The following LPP variants were observed in gnomAD, a reference collection of about 807,000 sequenced individuals.
The protein encoded by LPP is LIM domain containing preferred translocation partner in lipoma.
Under a neutral mutation model 60.4 loss-of-function variants are expected in LPP, and 38 were observed. That is an observed-to-expected ratio of 0.63 (90% CI 0.49 to 0.83). The LOEUF (loss-of-function observed/expected upper bound fraction) is 0.83. Ranked by LOEUF, LPP falls within the 40% of genes least tolerant of loss-of-function variation. The pLI is 0.00. For synonymous variants in LPP, 328 were observed against 290.8 expected (o/e 1.13, Z -1.30); for missense variants, 902 against 783.6 (o/e 1.15, Z -1.80).
chr3:188,392,104 TA>T (rs1359903748), intron 3 of LPP, among the ~76,000 whole-genome samples: 2 of 152,220 alleles, frequency 1.3e-5, no homozygotes, highest in Non-Finnish European at 2.9e-5. Context: ...ATGTCTTCCA[TA>T]AGGCTTTGTG....
chr3:188,388,009 G>C (rs1778781244), intron 3 of LPP, among the ~76,000 whole-genome samples: 1 of 151,440 alleles, frequency 6.6e-6, no homozygotes, highest in African/African-American at 2.4e-5. Flanking sequence ...TTGTTTTTTT[G>C]GTATTAGCAT....
intron 7 of LPP, among the ~76,000 whole-genome samples, chr3:188,675,508 T>C (rs1857848166): frequency 6.6e-6 from 1 of 152,204 alleles, no homozygotes; most frequent in Admixed American, 6.5e-5. Context: ...GGATGATGTA[T>C]GTTTGTATAT....
chr3:188,721,198 G>A (rs1716227516), intron 8 of LPP, among the ~76,000 whole-genome samples: 2 of 152,136 alleles, frequency 1.3e-5, no homozygotes, highest in South Asian at 4.2e-4. Flanking sequence ...GATTCTGTGG[G>A]TTGAAGTACT....
At chr3:188,514,000 G>GTTT (rs1816591221) in intron 5 of LPP, among the ~76,000 whole-genome samples, 1 of 152,130 alleles carries the variant, frequency 6.6e-6, no homozygotes, top group South Asian at 2.1e-4. Context: ...TTTTTGTAGA[G>GTTT]GTAAAAGTTG....
At position 188,638,692 on chromosome 3, in the gene LPP, A is replaced by G. The variant is rs1281004523; in HGVS notation, c.1113+28848A>G. 9.3e-3 allele frequency among the ~76,000 whole-genome samples: 1,363 copies of G among 147,316 alleles called. 20 individuals carry two copies. Among genetic ancestry groups the G allele is most frequent in the African/African-American group, 0.033 (1,288 of 39,068 alleles). On this transcript the variant is annotated intron_variant, in intron 7 of 11. Coordinates refer to ENST00000617246, the MANE Select transcript of LPP (RefSeq NM_001375462.1). ...TCTCAGGATACAAAATCAATGTACA[A>G]AAATCACAAGCATTCTTATACACCA...
At chr3:188,176,271 G>T (rs1393677414) in intron 1 of LPP, among the ~76,000 whole-genome samples, 2 of 152,064 alleles carry the variant, frequency 1.3e-5, no homozygotes, top group African/African-American at 4.8e-5. Context: ...GAGAACCTAT[G>T]ATCTAGTTCA....
At chr3:188,314,377 T>C (rs1430547678) in intron 2 of LPP, among the ~76,000 whole-genome samples, 5 of 152,072 alleles carry the variant, frequency 3.3e-5, no homozygotes, top group Admixed American at 6.5e-5. Context: ...AATCATATAT[T>C]CTAAAAAAAT....
chr3:188,164,116 T>G (rs1463756965), intron 1 of LPP, among the ~76,000 whole-genome samples: 1 of 152,150 alleles, frequency 6.6e-6, no homozygotes, highest in African/African-American at 2.4e-5. Flanking sequence ...GAGAGGCGCA[T>G]GTGAAGGACT....
intron 9 of LPP, among the ~76,000 whole-genome samples, chr3:188,808,318 A>G (rs1037816338): frequency 6.6e-6 from 1 of 151,936 alleles, no homozygotes; most frequent in African/African-American, 2.4e-5. Flanking sequence ...GATTGCTGTT[A>G]CTTTTTACTT....
intron 9 of LPP, among the ~76,000 whole-genome samples, chr3:188,786,410 A>T (rs1406992257): frequency 6.8e-6 from 1 of 147,386 alleles, no homozygotes; most frequent in South Asian, 2.2e-4. Flanking sequence ...AAAAAAAAAA[A>T]ACCAACCATC....
intron 9 of LPP, among the ~76,000 whole-genome samples, chr3:188,812,917 C>G (rs1027623860): frequency 6.6e-6 from 1 of 151,650 alleles, no homozygotes; most frequent in African/African-American, 2.4e-5. Context: ...TATCCTTTAG[C>G]TTTTCTCCTT....
Position 188,883,732 on chromosome 3 carries a change from CAAAAAAA to C in LPP, c.*9269_*9275del, listed in dbSNP as rs71169028. ...TGGGCGACAGAACGAGACTCCGTCT[CAAAAAAA>C]AAAAAAAAAAAAAAAGGTTGGGAAA... On this transcript the variant is annotated 3_prime_UTR_variant, in exon 12 of 12. Transcript: ENST00000617246. 4 of 70,498 alleles carry C rather than the reference CAAAAAAA, an allele frequency of 5.7e-5. No homozygotes were observed. The highest frequency in any genetic ancestry group is 7.9e-4 in the South Asian group (1 of 1,258). The allele number at this position is 70,498 out of a possible 1,614,324, so 4.4% of individuals were successfully genotyped here.
intron 6 of LPP, among the ~76,000 whole-genome samples, chr3:188,553,277 ACTTGTTT>A (rs1228858840): frequency 6.6e-6 from 1 of 151,898 alleles, no homozygotes. Flanking sequence ...CTTTCCTCCT[ACTTGTTT>A]TTCCTCTAGC....
intron 2 of LPP, among the ~76,000 whole-genome samples, chr3:188,290,259 A>G (rs2150033762): frequency 6.6e-6 from 1 of 152,208 alleles, no homozygotes; most frequent in Non-Finnish European, 1.5e-5. Flanking sequence ...TACAGACGTG[A>G]GCCACCATGC....
rs368600854 is a variant in LPP at position 188,449,722 on chromosome 3, ATCTTATT to A, written c.194-34864_194-34858del. On this transcript the variant is annotated intron_variant, in intron 4 of 11. Coordinates refer to ENST00000617246, the MANE Select transcript of LPP (RefSeq NM_001375462.1). ...ATCATGGTTCTGTGCTATCGATCTG[ATCTTATT>A]TCTTACTCTTTTTACTACTGTTGTT... is the stretch of plus-strand genomic sequence containing the variant. 3.3e-5 allele frequency among the ~76,000 whole-genome samples: 5 copies of A among 152,158 alleles called. No individual in the cohort carries two copies. In the East Asian group the frequency reaches 9.7e-4, roughly 29 times the overall value.
intron 9 of LPP, among the ~76,000 whole-genome samples, chr3:188,779,814 C>T (rs1171789396): frequency 6.6e-6 from 1 of 152,164 alleles, no homozygotes; most frequent in African/African-American, 2.4e-5. Context: ...GCTAATACAT[C>T]TTCCACTTGG....
chr3:188,483,895 C>A (rs1311647244), intron 4 of LPP, among the ~76,000 whole-genome samples: 1 of 152,178 alleles, frequency 6.6e-6, no homozygotes, highest in Admixed American at 6.5e-5. Flanking sequence ...ATCTCTGCTG[C>A]ATGCATGATA....
chr3:188,807,669 T>C (rs764432786), intron 9 of LPP, among the ~76,000 whole-genome samples: 5 of 152,134 alleles, frequency 3.3e-5, no homozygotes, highest in Non-Finnish European at 7.4e-5. Flanking sequence ...GTTACTATGA[T>C]TTTCATTTCT....
Position 188,347,120 on chromosome 3 carries a change from T to C in LPP, c.-10+5401T>C, listed in dbSNP as rs144628137. On this transcript the variant is annotated intron_variant, in intron 3 of 11. Coordinates refer to ENST00000617246, the MANE Select transcript of LPP (RefSeq NM_001375462.1). ...TGCCCAAAGTTTTACAGCTAATAAA[T>C]ATAAAATCTGGATTTAAATCCGGAT... 2.6e-5 allele frequency among the ~76,000 whole-genome samples: 4 copies of C among 152,286 alleles called. No individual in the cohort carries two copies. The East Asian group carries it at 7.7e-4, about 29-fold the overall frequency.
Sources: allele counts gnomAD v4.1 joint callset (sites outside exome capture counted in the v4.1 genomes callset), GRCh38; gene constraint gnomAD v4.1.1; transcripts MANE v1.5; gene names NCBI Gene and HGNC (gene_info 2026-07-23, HGNC 2026-07-21).